Variants in CDH13 observed in about 807,000 individuals in gnomAD.
CDH13 encodes cadherin-13.
A neutral mutation model predicts 63.8 loss-of-function variants in CDH13; 24 were observed. That is an observed-to-expected ratio of 0.38 (90% CI 0.27 to 0.53). The LOEUF is 0.53. Ranked by LOEUF, CDH13 falls within the 20% of genes least tolerant of loss-of-function variation. The pLI, the probability that CDH13 is intolerant of heterozygous loss-of-function variation, is 0.85. For synonymous variants in CDH13, 503 were observed against 355.3 expected (o/e 1.42, Z -4.67); for missense variants, 1,049 against 903.1 (o/e 1.16, Z -2.07).
rs115902361 is a variant in CDH13 at position 83,258,799 on chromosome 16, T to C, written c.636+41302T>C. ...TTAAAAGTTAATGGCACAGAGCACATCGTGACGCTATAAATAACAGGCACG... is the reference window on the plus strand; with the variant it reads ...TTAAAAGTTAATGGCACAGAGCACACCGTGACGCTATAAATAACAGGCACG... On this transcript the variant is annotated intron_variant, in intron 5 of 13. Transcript: ENST00000567109. Among the ~76,000 whole-genome samples, 616 of 152,314 alleles carry C rather than the reference T, an allele frequency of 4.0e-3. 7 individuals carry two copies. The highest frequency in any genetic ancestry group is 0.014 in the African/African-American group (584 of 41,562).
intron 6 of CDH13, among the ~76,000 whole-genome samples, chr16:83,460,447 C>A (rs2073146209): frequency 6.6e-6 from 1 of 152,162 alleles, no homozygotes; most frequent in South Asian, 2.1e-4. Flanking sequence ...GCATTTCTAG[C>A]AATAGCAAAA....
intron 1 of CDH13, among the ~76,000 whole-genome samples, chr16:82,670,230 A>G (rs1031630601): frequency 2.6e-5 from 4 of 152,220 alleles, no homozygotes; most frequent in Non-Finnish European, 2.9e-5. Context: ...GCTGAATTGC[A>G]AATCCCTAGT....
At chr16:83,375,967 C>T (rs937815327) in intron 6 of CDH13, among the ~76,000 whole-genome samples, 1 of 151,752 alleles carries the variant, frequency 6.6e-6, no homozygotes. Flanking sequence ...TGAGTTTAAG[C>T]AGGGAAAAAA....
rs150948109 is a variant in CDH13, at chr16:83,250,212, G to T, written c.636+32715G>T. 8.6e-5 allele frequency among the ~76,000 whole-genome samples: 13 copies of T among 151,776 alleles called. No homozygotes were observed. In the East Asian group the frequency reaches 2.5e-3, roughly 30 times the overall value. ...ATAAATATTCAGATTGCCACTATCA[G>T]AAAAAAAACTCATTGACCCAATGAG... On this transcript the variant is annotated intron_variant, in intron 5 of 13. Coordinates refer to ENST00000567109, the MANE Select transcript of CDH13 (RefSeq NM_001257.5).
In CDH13 at chr16:83,512,369, T is replaced by A. The variant is rs188942974; in HGVS notation, c.960+25714T>A. 2.3e-3 allele frequency among the ~76,000 whole-genome samples: 278 copies of A among 118,770 alleles called. 1 individual carries two copies. The highest frequency in any genetic ancestry group is 8.5e-3 in the African/African-American group (270 of 31,906). The allele number at this position is 118,770 out of a possible 152,430, so 77.9% of individuals were successfully genotyped here. On this transcript the variant is annotated intron_variant, in intron 7 of 13. Coordinates refer to ENST00000567109, the MANE Select transcript of CDH13 (RefSeq NM_001257.5). ...ATAAATAAATAAATAAATAAATAAA[T>A]AAAATAAAAATAAAGGAAGGGCTGG...
chr16:83,014,456 G>A (rs997730676), intron 2 of CDH13, among the ~76,000 whole-genome samples: 1 of 151,228 alleles, frequency 6.6e-6, no homozygotes, highest in Non-Finnish European at 1.5e-5. Flanking sequence ...ATTTGTGGCC[G>A]ACCATGGTGG....
At chr16:82,717,457 G>GC (rs5818400) in intron 1 of CDH13, among the ~76,000 whole-genome samples, 19,699 of 140,490 alleles carry the variant, frequency 0.14, 1,658 homozygotes, top group East Asian at 0.4. Context: ...AAAAAAAAGA[G>GC]CCCCCCCACT....
chr16:83,594,459 A>G (rs1907066817), intron 7 of CDH13, among the ~76,000 whole-genome samples: 1 of 152,198 alleles, frequency 6.6e-6, no homozygotes, highest in Non-Finnish European at 1.5e-5. Flanking sequence ...AATGTCAACC[A>G]TCCTATTGTG....
intron 5 of CDH13, among the ~76,000 whole-genome samples, chr16:83,229,442 C>T (rs970237295): frequency 6.6e-6 from 1 of 152,030 alleles, no homozygotes; most frequent in Non-Finnish European, 1.5e-5. Context: ...TTTAGTCTGG[C>T]ATAATTTCCA....
chr16:83,403,688 G>A (rs74485276), intron 6 of CDH13, among the ~76,000 whole-genome samples: 1 of 152,034 alleles, frequency 6.6e-6, no homozygotes, highest in East Asian at 1.9e-4. Context: ...GCAGTCCCCA[G>A]TGGAAGTATA....
rs945192832 is a variant in CDH13, at chr16:82,847,750, C to G, written c.46-10612C>G. Among the ~76,000 whole-genome samples, 7 of 152,194 alleles carry G rather than the reference C, an allele frequency of 4.6e-5. No individual in the cohort carries two copies. In the South Asian group the frequency reaches 1.4e-3, roughly 32 times the overall value. ...TTAAAGCTTCCCAGTGACCGTTTCT[C>G]TAGCAAAGAGCATGTGAAGGCCATT... is the stretch of plus-strand genomic sequence containing the variant. On this transcript the variant is annotated intron_variant, in intron 1 of 13. Coordinates refer to ENST00000567109, the MANE Select transcript of CDH13 (RefSeq NM_001257.5).
intron 4 of CDH13, among the ~76,000 whole-genome samples, chr16:83,145,175 A>T (rs2036697563): frequency 6.6e-6 from 1 of 152,192 alleles, no homozygotes; most frequent in Admixed American, 6.5e-5. Flanking sequence ...GGCTTTAATT[A>T]CAGTGATGAG....
chr16:83,343,352 T>C (rs1462982160), intron 5 of CDH13, among the ~76,000 whole-genome samples: 1 of 152,224 alleles, frequency 6.6e-6, no homozygotes, highest in Non-Finnish European at 1.5e-5. Flanking sequence ...AATATGTTGT[T>C]ACACAAACAT....
intron 6 of CDH13, among the ~76,000 whole-genome samples, chr16:83,407,070 C>A (rs1009521017): frequency 6.6e-6 from 1 of 152,194 alleles, no homozygotes; most frequent in African/African-American, 2.4e-5. Context: ...CTCATTCCTT[C>A]TACCATGTAT....
intron 5 of CDH13, among the ~76,000 whole-genome samples, chr16:83,283,815 T>G (rs986264686): frequency 1.3e-5 from 2 of 152,194 alleles, no homozygotes; most frequent in Non-Finnish European, 2.9e-5. Flanking sequence ...TAGAATAGCC[T>G]TTTTTGGTAA....
rs537186100 is a variant in CDH13 at position 83,350,119 on chromosome 16, G to A, written c.781+5113G>A. Among the ~76,000 whole-genome samples the A allele has an allele frequency of 8.5e-5, 13 of 152,320 alleles. No individual in the cohort carries two copies. The South Asian group carries it at 2.1e-3, about 24-fold the overall frequency. On this transcript the variant is annotated intron_variant, in intron 6 of 13. Transcript: ENST00000567109. ...AATTTCCAGGCACTTGCCGCCAGCT[G>A]TGCGCAAGGGAAACCTGGGATCCAT... is the stretch of plus-strand genomic sequence containing the variant.
At chr16:82,724,376 C>T (rs137947536) in intron 1 of CDH13, among the ~76,000 whole-genome samples, 8 of 152,240 alleles carry the variant, frequency 5.3e-5, no homozygotes, top group African/African-American at 1.9e-4. Context: ...AGGTGCCATG[C>T]TATTGATATG....
intron 11 of CDH13, among the ~76,000 whole-genome samples, chr16:83,765,267 T>G (rs562183202): frequency 1.5e-4 from 23 of 152,198 alleles, no homozygotes; most frequent in Admixed American, 3.3e-4. Flanking sequence ...AAAATGAAAC[T>G]GTCATGTTTA....
intron 1 of CDH13, among the ~76,000 whole-genome samples, chr16:82,643,860 A>G (rs1345704735): frequency 6.6e-6 from 1 of 151,938 alleles, no homozygotes; most frequent in Non-Finnish European, 1.5e-5. Context: ...CTCTTGCCTC[A>G]GTTCTGGAAA....
Sources: gnomAD v4.1 joint callset for allele counts (sites outside exome capture counted in the v4.1 genomes callset) on GRCh38, gnomAD v4.1.1 for gene constraint, MANE v1.5 for transcripts, NCBI Gene and HGNC (gene_info 2026-07-23, HGNC 2026-07-21) for gene names.